The following LRBA variants were observed in gnomAD, a reference collection of about 807,000 sequenced individuals.
The protein encoded by LRBA is LPS responsive beige-like anchor protein.
Under a neutral mutation model 330.0 loss-of-function variants are expected in LRBA, and 176 were observed. The observed-to-expected ratio is 0.53, with a 90% CI of 0.47 to 0.60. The LOEUF is 0.60. Among genes scored for constraint, LRBA ranks in the 20% least tolerant of loss-of-function variants. The pLI is 0.00. For synonymous variants in LRBA, 1,230 were observed against 1,193.0 expected, an observed-to-expected ratio of 1.03 and a Z score of -0.64; for missense variants, 3,259 against 3,444.8, an observed-to-expected ratio of 0.95 and a Z score of 1.35.
chr4:150,897,672 T>C (rs935701384), intron 15 of LRBA, 67 bp downstream of exon 15: 5 of 1,107,750 alleles, frequency 4.5e-6, no homozygotes, highest in African/African-American at 3.1e-5. Context: ...AAAACCAAGA[T>C]TGTATTTCAT....
At chr4:150,921,566 T>C (rs1333669212) in intron 4 of LRBA, among the ~76,000 whole-genome samples, 1 of 151,972 alleles carries the variant, frequency 6.6e-6, no homozygotes, top group African/African-American at 2.4e-5. Context: ...GCAAAAATGA[T>C]CTTTTTTTTT....
intron 53 of LRBA, among the ~76,000 whole-genome samples, chr4:150,301,139 G>A (rs1729625011): frequency 1.3e-5 from 2 of 151,974 alleles, no homozygotes; most frequent in Non-Finnish European, 2.9e-5. Flanking sequence ...CCAGAAAAAA[G>A]AAATTGAAAG....
At chr4:150,793,458 T>C (rs1414799938) in intron 34 of LRBA, among the ~76,000 whole-genome samples, 2 of 152,222 alleles carry the variant, frequency 1.3e-5, no homozygotes, top group African/African-American at 2.4e-5. Context: ...CAGGAAAGTA[T>C]GGAGGTATTT....
At chr4:150,856,757 G>T (rs1304516150) in intron 22 of LRBA, among the ~76,000 whole-genome samples, 1 of 152,104 alleles carries the variant, frequency 6.6e-6, no homozygotes, top group Non-Finnish European at 1.5e-5. Context: ...GCCAGATATT[G>T]TTCTAAATTA....
chr4:150,671,791 G>C (rs1030367441), intron 37 of LRBA, among the ~76,000 whole-genome samples: 1 of 152,198 alleles, frequency 6.6e-6, no homozygotes, highest in Admixed American at 6.5e-5. Context: ...GAGAGAGACA[G>C]AGACAAGGGC....
intron 50 of LRBA, among the ~76,000 whole-genome samples, chr4:150,318,771 A>G (rs1732074475): frequency 6.6e-6 from 1 of 152,114 alleles, no homozygotes; most frequent in Admixed American, 6.6e-5. Context: ...GTATGTATGG[A>G]AAGGGTGAAG....
chr4:150,695,118 T>G (rs968441998), intron 36 of LRBA, among the ~76,000 whole-genome samples: 1 of 152,164 alleles, frequency 6.6e-6, no homozygotes, highest in Non-Finnish European at 1.5e-5. Flanking sequence ...CCTTCAACAA[T>G]GCAAACACAC....
At position 150,791,757 on chromosome 4, in the gene LRBA, G is replaced by A. The variant is rs148802236; in HGVS notation, c.5580+6324C>T. Among the ~76,000 whole-genome samples, 1,013 of 152,102 alleles carry A rather than the reference G, an allele frequency of 6.7e-3. 14 individuals are homozygous for A. The highest frequency in any genetic ancestry group is 0.023 in the African/African-American group (953 of 41,510). On this transcript the variant is annotated intron_variant, in intron 34 of 56. Transcript: ENST00000651943. ...AAGTTAAGAAGGCTTGGCCGGGCGC[G>A]GTGGCTCATGCCTGTAATCCCAGCA...
At chr4:150,407,321 G>C (rs536815409) in intron 47 of LRBA, among the ~76,000 whole-genome samples, 8 of 152,284 alleles carry the variant, frequency 5.3e-5, no homozygotes, top group African/African-American at 1.9e-4. Flanking sequence ...AGTGTTTGCA[G>C]TAATTTGCTA....
chr4:150,531,055 A>C (rs1346865302), intron 40 of LRBA, among the ~76,000 whole-genome samples: 2 of 152,122 alleles, frequency 1.3e-5, no homozygotes, highest in African/African-American at 2.4e-5. Context: ...GTAGTATTTG[A>C]AATTATCTTG....
intron 2 of LRBA, among the ~76,000 whole-genome samples, chr4:150,943,773 C>A (rs1470817224): frequency 6.6e-6 from 1 of 152,196 alleles, no homozygotes; most frequent in Non-Finnish European, 1.5e-5. Flanking sequence ...AACCCCTCAT[C>A]CCTTTCTGAA....
At chr4:150,338,966 T>TACACACACACAC (rs200463218) in intron 48 of LRBA, among the ~76,000 whole-genome samples, 5 of 148,730 alleles carry the variant, frequency 3.4e-5, no homozygotes, top group East Asian at 2.0e-4. Flanking sequence ...TATTTAATTA[T>TACACACACACAC]ACACACACAC....
At chr4:150,267,006 A>G (rs1031952681) in intron 56 of LRBA, among the ~76,000 whole-genome samples, 2 of 152,232 alleles carry the variant, frequency 1.3e-5, no homozygotes, top group Non-Finnish European at 2.9e-5. Context: ...CAGAAATATA[A>G]CAATTATATA....
intron 37 of LRBA, among the ~76,000 whole-genome samples, chr4:150,621,909 T>C (rs72959818): frequency 0.034 from 5,132 of 152,298 alleles, 242 homozygotes; most frequent in African/African-American, 0.11. Context: ...AAAGAAGGTC[T>C]AGCATAGATA....
intron 35 of LRBA, among the ~76,000 whole-genome samples, chr4:150,737,989 T>C (rs1731443121): frequency 6.8e-6 from 1 of 147,056 alleles, no homozygotes; most frequent in Non-Finnish European, 1.5e-5. Context: ...GAATCTTTTT[T>C]TTTTTTTTTT....
At chr4:150,780,872 A>T (rs1209269590) in intron 34 of LRBA, among the ~76,000 whole-genome samples, 2 of 151,208 alleles carry the variant, frequency 1.3e-5, no homozygotes, top group African/African-American at 4.9e-5. Context: ...CGTGCATTTT[A>T]TTTTATTTAT....
chr4:150,640,910 T>A (rs1247249663), intron 37 of LRBA, among the ~76,000 whole-genome samples: 3 of 152,256 alleles, frequency 2.0e-5, no homozygotes, highest in African/African-American at 7.2e-5. Context: ...GACCTGCTTT[T>A]ATCTGTTTCT....
intron 42 of LRBA, among the ~76,000 whole-genome samples, chr4:150,474,349 C>T (rs1756478157): frequency 6.6e-6 from 1 of 152,092 alleles, no homozygotes; most frequent in Admixed American, 6.6e-5. Flanking sequence ...TGTACAATTA[C>T]CACAATTGAA....
chr4:150,805,193 A>C (rs1175822703), intron 33 of LRBA, among the ~76,000 whole-genome samples: 3 of 131,680 alleles, frequency 2.3e-5, no homozygotes, highest in East Asian at 2.2e-4. Flanking sequence ...GGAAGGAAGG[A>C]AGGCAGAAGG....
Sources: allele counts gnomAD v4.1 joint callset (sites outside exome capture counted in the v4.1 genomes callset), GRCh38; gene constraint gnomAD v4.1.1; transcripts MANE v1.5; gene names NCBI Gene and HGNC (gene_info 2026-07-23, HGNC 2026-07-21).